The following PMVK variants were observed in gnomAD, a reference collection of about 807,000 sequenced individuals.
The protein encoded by PMVK is phosphomevalonate kinase.
Under a neutral mutation model 19.0 loss-of-function variants are expected in PMVK, and 10 were observed. The observed-to-expected ratio is 0.53, with a 90% confidence interval of 0.32 to 0.89. The LOEUF is 0.89. Ranked by LOEUF, PMVK falls within the 40% of genes least tolerant of loss-of-function variation. PMVK has a pLI of 0.03. For missense variants in PMVK, 222 were observed against 251.1 expected, an observed-to-expected ratio of 0.88 and a Z score of 0.78; for synonymous variants, 108 against 101.6, an observed-to-expected ratio of 1.06 and a Z score of -0.38.
intron 4 of PMVK, among the ~76,000 whole-genome samples, chr1:154,926,005 T>TCTCCACTACTAACTTCTAA (rs1553246103): frequency 3.9e-5 from 6 of 152,184 alleles, no homozygotes; most frequent in African/African-American, 1.4e-4. Context: ...CAGAACTTCC[T>TCTCCACTACTAACTTCTAA]CTCCACTACT....
rs1409654022 is a variant in PMVK, at chr1:154,925,130, T to C, written c.578A>G (p.Ter193TrpextTer31). 2 of 1,335,496 alleles carry C rather than the reference T, an allele frequency of 1.5e-6. No individual in the cohort carries two copies. 82.7% of individuals were successfully genotyped at this position (1,335,496 alleles called of 1,614,324 possible). A position where few individuals can be genotyped will look rare whatever the true frequency, so the allele number is the denominator to read the frequency against. ...CAGCTCACTCCTAGAACCTAGTGAC[T>C]AAAGTCTGGAGCGGATAAATTCTAT... ...NLIEFIRSRL[*>W] Residue 193 changes from the stop codon to tryptophan (W), a stop_lost, in exon 5 of 5, where the codon TAG becomes TGG. Coordinates refer to ENST00000368467, the MANE Select transcript of PMVK (RefSeq NM_006556.4).
chr1:154,929,209 C>A (rs569234651), intron 2 of PMVK, 33 bp from the exon 3 acceptor site: 11 of 1,609,456 alleles, frequency 6.8e-6, no homozygotes, highest in Non-Finnish European at 9.4e-6. Context: ...ACGTCACCGG[C>A]CTTTCAACCT....
chr1:154,927,383 G>A (rs1169945589), intron 3 of PMVK, among the ~76,000 whole-genome samples: 1 of 149,384 alleles, frequency 6.7e-6, no homozygotes, highest in Non-Finnish European at 1.5e-5. Context: ...ACAAGGCAGA[G>A]GGTAGAGTGA....
upstream of PMVK, chr1:154,936,885 G>A (rs770009500): frequency 4.0e-5 from 23 of 577,300 alleles, no homozygotes; most frequent in Non-Finnish European, 6.2e-5. Context: ...GGGAGAAAAG[G>A]GTGAGACACG....
Position 154,925,051 on chromosome 1 carries a change from T to A in PMVK, c.*78A>T. 1 of 1,130,508 alleles carries A rather than the reference T, an allele frequency of 8.8e-7. No individual in the cohort carries two copies. Among genetic ancestry groups the A allele is most frequent in the Non-Finnish European group, 1.2e-6 (1 of 834,294 alleles). The allele number at this position is 1,130,508 out of a possible 1,614,324, so 70.0% of individuals were successfully genotyped here. ...TGTCTGTTCCTCACCTCGGCCAGGA[T>A]CGGGGGACACCCCCATTTTGCAGAG... On this transcript the variant is annotated 3_prime_UTR_variant, in exon 5 of 5. Coordinates refer to ENST00000368467, the MANE Select transcript of PMVK (RefSeq NM_006556.4).
chr1:154,940,229 C>T (rs1466860997), upstream of PMVK, among the ~76,000 whole-genome samples: 1 of 152,252 alleles, frequency 6.6e-6, no homozygotes, highest in Non-Finnish European at 1.5e-5. Context: ...CATGTGGCTT[C>T]AGGTGTCTGC....
At chr1:154,936,773 AGCGGAGCGGCAACAAGGAACAATC>A, upstream of PMVK, 1 of 1,215,856 alleles carries the variant, frequency 8.2e-7, no homozygotes, top group Non-Finnish European at 1.2e-6. Flanking sequence ...GCGGCCACTA[AGCGGAGCGGCAACAAGGAACAATC>A]GCGCCCCTCC....
intron 1 of PMVK, 84 bp from the exon 2 acceptor site, chr1:154,932,499 G>T: frequency 1.2e-6 from 1 of 852,090 alleles, no homozygotes; most frequent in Non-Finnish European, 1.8e-6. Context: ...AGAGGCCTGT[G>T]TTGAAGTCCC....
chr1:154,925,067 T>C lies in PMVK; in HGVS notation c.*62A>G. On this transcript the variant is annotated 3_prime_UTR_variant, in exon 5 of 5. Coordinates refer to ENST00000368467, the MANE Select transcript of PMVK (RefSeq NM_006556.4). ...CGGCCAGGATCGGGGGACACCCCCA[T>C]TTTGCAGAGTCAGCCCCACCCCCAC... 8.3e-7 allele frequency: 1 copy of C among 1,209,094 alleles called. No homozygotes were observed. The highest frequency in any genetic ancestry group is 1.1e-6 in the Non-Finnish European group (1 of 909,596). 74.9% of individuals were successfully genotyped at this position (1,209,094 alleles called of 1,614,324 possible).
upstream of PMVK, chr1:154,936,725 TC>T: frequency 6.6e-7 from 1 of 1,526,018 alleles, no homozygotes; most frequent in Non-Finnish European, 8.9e-7. Flanking sequence ...CTGACACTTC[TC>T]CCTACCCCTA....
rs530176501 is a variant in PMVK at position 154,927,972 on chromosome 1, C to G, written c.312+1052G>C. Among the ~76,000 whole-genome samples, 89 of 151,430 alleles carry G rather than the reference C, an allele frequency of 5.9e-4. 1 individual carries two copies. The highest frequency in any genetic ancestry group is 1.2e-4 in the African/African-American group (5 of 40,696). ...ATTCTGTGCCTATCTCCCCGCCACC[C>G]TCAGCTGTAATGTAAGCTCCCTGAA... On this transcript the variant is annotated intron_variant, in intron 3 of 4. Transcript: ENST00000368467.
In PMVK at chr1:154,936,616, A is replaced by G; in HGVS notation, c.70T>C (p.Phe24Leu). ...FSGKRKSGKD[F>L]VTEALQSRLG... The stretch of plus-strand genomic sequence containing the variant: ...CTGCTCTGCAGCGCCTCGGTCACGA[A>G]GTCCTTCCCGGATTTCCTCTTGCCG... Residue 24 changes from phenylalanine (F) to leucine (L), a missense_variant, in exon 1 of 5, where the codon TTC becomes CTC. Phe to Leu is a conservative substitution (Grantham distance 22, BLOSUM62 0). Coordinates refer to ENST00000368467, the MANE Select transcript of PMVK (RefSeq NM_006556.4). 1 of 1,608,516 alleles carries G rather than the reference A, an allele frequency of 6.2e-7. No individual in the cohort carries two copies. The highest frequency in any genetic ancestry group is 1.3e-5 in the African/African-American group (1 of 75,012).
chr1:154,925,461 G>T (rs1269322767), intron 4 of PMVK, among the ~76,000 whole-genome samples, 196 bp from the exon 5 acceptor site: 1 of 152,128 alleles, frequency 6.6e-6, no homozygotes, highest in African/African-American at 2.4e-5. Context: ...TAGCCACCTG[G>T]GCCTCTCAGC....
chr1:154,936,181 A>C (rs1654498670), intron 1 of PMVK, among the ~76,000 whole-genome samples: 1 of 152,122 alleles, frequency 6.6e-6, no homozygotes, highest in Non-Finnish European at 1.5e-5. Context: ...TCCCGGGCTC[A>C]AGCGATTCTT....
chr1:154,928,043 T>C (rs1464169554), intron 3 of PMVK, among the ~76,000 whole-genome samples: 1 of 151,998 alleles, frequency 6.6e-6, no homozygotes, highest in African/African-American at 2.4e-5. Context: ...CCCCACAACA[T>C]GCAACCACAC....
upstream of PMVK, among the ~76,000 whole-genome samples, chr1:154,939,363 T>C (rs1571388804): frequency 6.6e-6 from 1 of 152,080 alleles, no homozygotes; most frequent in East Asian, 1.9e-4. Flanking sequence ...TATAACATGC[T>C]CTGCCTGCCT....
At chr1:154,932,107 C>A (rs144685314) in intron 2 of PMVK, among the ~76,000 whole-genome samples, 316 of 152,258 alleles carry the variant, frequency 2.1e-3, no homozygotes, top group African/African-American at 7.0e-3. Context: ...GCTGCCAACT[C>A]GAGTGTCGAC....
At chr1:154,939,825 G>A (rs1254942673), upstream of PMVK, among the ~76,000 whole-genome samples, 1 of 152,044 alleles carries the variant, frequency 6.6e-6, no homozygotes, top group Non-Finnish European at 1.5e-5. Context: ...GTGCAGTGGC[G>A]GATCATAAGC....
upstream of PMVK, among the ~76,000 whole-genome samples, chr1:154,940,359 G>A (rs946335590): frequency 2.0e-4 from 31 of 152,176 alleles, no homozygotes; most frequent in African/African-American, 7.5e-4. Context: ...GAAGGTAAGT[G>A]CCCCATGCTG....
Sources: allele counts gnomAD v4.1 joint callset (sites outside exome capture counted in the v4.1 genomes callset), GRCh38; gene constraint gnomAD v4.1.1; transcripts MANE v1.5; gene names NCBI Gene and HGNC (gene_info 2026-07-23, HGNC 2026-07-21).